The following FGGY variants were observed in gnomAD, a reference collection of about 807,000 sequenced individuals.
FGGY encodes the protein FGGY carbohydrate kinase domain containing, also known as FGGY carbohydrate kinase domain-containing protein.
In FGGY, 72 loss-of-function variants were observed where a neutral mutation model predicts 71.3. The observed-to-expected ratio is 1.01, with a 90% CI of 0.84 to 1.23. FGGY has a LOEUF of 1.23. FGGY is among the 50% of genes most tolerant of loss of function. The pLI is 0.00. For synonymous variants in FGGY, 251 were observed against 250.3 expected (o/e 1.00, Z -0.02); for missense variants, 668 against 682.3 (o/e 0.98, Z 0.23).
At chr1:59,478,116 T>A (rs1298063671) in intron 6 of FGGY, among the ~76,000 whole-genome samples, 1 of 152,214 alleles carries the variant, frequency 6.6e-6, no homozygotes, top group Non-Finnish European at 1.5e-5. Context: ...GGGAAAGTAA[T>A]ACCTCTCTCT....
At chr1:59,561,175 A>T (rs1161906374) in intron 8 of FGGY, among the ~76,000 whole-genome samples, 1 of 152,176 alleles carries the variant, frequency 6.6e-6, no homozygotes, top group Admixed American at 6.5e-5. Context: ...AGAAGTTACC[A>T]GAGGGGTGGA....
intron 1 of FGGY, among the ~76,000 whole-genome samples, chr1:59,312,325 C>T (rs2044493672): frequency 6.6e-6 from 1 of 152,114 alleles, no homozygotes; most frequent in South Asian, 2.1e-4. Context: ...TTTAATATGG[C>T]TTTGTCCCTC....
chr1:59,750,262 A>T (rs1261968271), intron 14 of FGGY, among the ~76,000 whole-genome samples: 3 of 152,152 alleles, frequency 2.0e-5, no homozygotes, highest in Non-Finnish European at 4.4e-5. Flanking sequence ...AATTTGAGGT[A>T]TGTTTTAGAG....
At chr1:59,524,938 T>C (rs2094936322) in intron 7 of FGGY, among the ~76,000 whole-genome samples, 1 of 152,248 alleles carries the variant, frequency 6.6e-6, no homozygotes, top group Non-Finnish European at 1.5e-5. Context: ...CGCTACTTTG[T>C]GGGCAATGAG....
intron 6 of FGGY, among the ~76,000 whole-genome samples, chr1:59,507,420 A>C (rs562447199): frequency 4.6e-5 from 7 of 152,356 alleles, no homozygotes; most frequent in African/African-American, 1.7e-4. Context: ...CATATACTGC[A>C]TGTTTTGCAG....
chr1:59,458,578 G>A (rs2091923053), intron 6 of FGGY, among the ~76,000 whole-genome samples: 1 of 152,094 alleles, frequency 6.6e-6, no homozygotes, highest in African/African-American at 2.4e-5. Flanking sequence ...TATTAGCTCT[G>A]CTAACGTAGC....
intron 14 of FGGY, among the ~76,000 whole-genome samples, chr1:59,713,325 C>A (rs776159018): frequency 2.6e-5 from 4 of 152,150 alleles, no homozygotes; most frequent in Admixed American, 1.3e-4. Context: ...TCTTCCAAAC[C>A]GTTCTACCCT....
At chr1:59,313,270 G>C (rs897815967) in intron 1 of FGGY, among the ~76,000 whole-genome samples, 3 of 152,236 alleles carry the variant, frequency 2.0e-5, no homozygotes, top group African/African-American at 7.2e-5. Context: ...CACCTTAGGG[G>C]TTAGGTTTCA....
intron 9 of FGGY, among the ~76,000 whole-genome samples, chr1:59,622,608 G>A (rs1334331870): frequency 6.6e-6 from 1 of 152,110 alleles, no homozygotes; most frequent in Non-Finnish European, 1.5e-5. Context: ...CCAGAAATTA[G>A]GGTAGCATTT....
At chr1:59,600,713 G>A (rs201793557) in intron 8 of FGGY, among the ~76,000 whole-genome samples, 1 of 152,150 alleles carries the variant, frequency 6.6e-6, no homozygotes, top group East Asian at 1.9e-4. Flanking sequence ...CTTAGACACA[G>A]CTCTGTGGTT....
chr1:59,706,765 T>G (rs893352163), intron 14 of FGGY, among the ~76,000 whole-genome samples: 3 of 152,200 alleles, frequency 2.0e-5, no homozygotes, highest in African/African-American at 7.2e-5. Flanking sequence ...CCCTGTGACC[T>G]TAGACCTAAC....
chr1:59,340,114 T>G (rs1362044909), intron 3 of FGGY, 45 bp downstream of exon 3: 26 of 1,403,726 alleles, frequency 1.9e-5, no homozygotes, highest in Non-Finnish European at 2.5e-5. Flanking sequence ...GATACTTGGC[T>G]GATTAATCCA....
At chr1:59,506,340 T>TAAA (rs11383783) in intron 6 of FGGY, among the ~76,000 whole-genome samples, 43 of 149,986 alleles carry the variant, frequency 2.9e-4, no homozygotes, top group African/African-American at 8.3e-4. Context: ...TCCTTTTCTT[T>TAAA]AAAAAAAAAA....
intron 12 of FGGY, among the ~76,000 whole-genome samples, chr1:59,662,272 A>T (rs1379032467): frequency 6.7e-6 from 1 of 150,078 alleles, no homozygotes; most frequent in East Asian, 2.0e-4. Context: ...GTGAACTGAG[A>T]TCGCGCCACT....
intron 3 of FGGY, among the ~76,000 whole-genome samples, chr1:59,341,304 G>GT (rs1420377174): frequency 6.6e-6 from 1 of 152,188 alleles, no homozygotes; most frequent in Non-Finnish European, 1.5e-5. Context: ...AATTTTTTAA[G>GT]TTAAGAGAAT....
At chr1:59,751,976 T>C (rs919691829) in intron 14 of FGGY, among the ~76,000 whole-genome samples, 2 of 152,206 alleles carry the variant, frequency 1.3e-5, no homozygotes, top group Admixed American at 1.3e-4. Context: ...TGAGGACATA[T>C]AAGGGAGTGC....
At chr1:59,386,941 T>C (rs1183290987) in intron 5 of FGGY, among the ~76,000 whole-genome samples, 1 of 152,180 alleles carries the variant, frequency 6.6e-6, no homozygotes, top group Non-Finnish European at 1.5e-5. Flanking sequence ...CATTATAATG[T>C]ATAATTCTGT....
intron 8 of FGGY, among the ~76,000 whole-genome samples, chr1:59,580,391 G>T (rs979179081): frequency 6.6e-6 from 1 of 151,826 alleles, no homozygotes; most frequent in Non-Finnish European, 1.5e-5. Flanking sequence ...TTTACCCCCC[G>T]CCTTGTTACA....
intron 5 of FGGY, among the ~76,000 whole-genome samples, chr1:59,426,034 T>G (rs1195530805): frequency 6.6e-6 from 1 of 152,194 alleles, no homozygotes; most frequent in African/African-American, 2.4e-5. Context: ...TGTGCACCAC[T>G]GGAGTACTGC....
Sources: gnomAD v4.1 joint callset for allele counts (sites outside exome capture counted in the v4.1 genomes callset) on GRCh38, gnomAD v4.1.1 for gene constraint, MANE v1.5 for transcripts, NCBI Gene and HGNC (gene_info 2026-07-23, HGNC 2026-07-21) for gene names.